The following CAPN13 variants were observed in gnomAD, a reference collection of about 807,000 sequenced individuals.
CAPN13 encodes the protein calpain 13, also known as calpain-13.
A neutral mutation model predicts 98.4 loss-of-function variants in CAPN13; 90 were observed. The observed-to-expected ratio is 0.92, with a 90% CI of 0.77 to 1.09. The LOEUF (loss-of-function observed/expected upper bound fraction) is 1.09. Ranked by LOEUF, CAPN13 falls within the 50% of genes least tolerant of loss-of-function variation. The probability of loss-of-function intolerance (pLI) is 0.00; values close to 1 mark genes in which losing one functional copy is unlikely to be tolerated. For synonymous variants in CAPN13, 330 were observed against 305.5 expected (o/e 1.08, Z -0.84); for missense variants, 887 against 841.3 (o/e 1.05, Z -0.67).
In CAPN13 at chr2:30,787,109, T is replaced by G; in HGVS notation, c.198+19A>C. ...CCGAGGACCCTGGAGCTGGGTATGC[T>G]CGTGTGGGGCTCACTCACCTGTGGC... On this transcript the variant is annotated intron_variant, in intron 2 of 22. Coordinates refer to ENST00000295055, the MANE Select transcript of CAPN13 (RefSeq NM_144575.3). 1 of 1,539,388 alleles carries G rather than the reference T, an allele frequency of 6.5e-7. No homozygotes were observed. Among genetic ancestry groups the G allele is most frequent in the Non-Finnish European group, 8.8e-7 (1 of 1,141,658 alleles).
rs1558307513 is a variant in CAPN13, at chr2:30,751,181, C to T, written c.1158G>A (p.Val386=). 1.9e-6 allele frequency: 3 copies of T among 1,613,984 alleles called. No homozygotes were observed. The highest frequency in any genetic ancestry group is 2.2e-5 in the East Asian group (1 of 44,892). ...QEPMEGTNVV[V]CVTVAVTPSN... is the part of the protein sequence containing the mutation. ...ATGGTGTGACAGCAACTGTGACGCA[C>T]ACGACAACATTGGTGCCTTCCATTG... Residue 386 remains valine, a synonymous_variant, in exon 11 of 23, where the codon GTG becomes GTA. Coordinates refer to ENST00000295055, the MANE Select transcript of CAPN13 (RefSeq NM_144575.3).
intron 2 of CAPN13, among the ~76,000 whole-genome samples, chr2:30,780,931 A>T (rs547163547): frequency 1.3e-5 from 2 of 152,324 alleles, no homozygotes; most frequent in East Asian, 3.9e-4. Context: ...CTGTTACCAG[A>T]TGGGTCAGGC....
Position 30,787,224 on chromosome 2 carries a change from C to T in CAPN13, c.102G>A (p.Thr34=), listed in dbSNP as rs763231605. 8.9e-5 allele frequency: 144 copies of T among 1,610,698 alleles called. No homozygotes were observed. Among genetic ancestry groups the T allele is most frequent in the East Asian group, 4.9e-4 (22 of 44,822 alleles). ...CTGCAGGGAATGTCTCATCCTTAAACGTCCGGCCCATGCTCAGGCAGTGAT... is the reference window on the plus strand; with the variant it reads ...CTGCAGGGAATGTCTCATCCTTAAATGTCCGGCCCATGCTCAGGCAGTGAT... ...LRDHCLSMGR[T]FKDETFPAAD... is the part of the protein sequence containing the mutation. Residue 34 remains threonine (T), a synonymous_variant, in exon 2 of 23, where the codon ACG becomes ACA. Coordinates refer to ENST00000295055, the MANE Select transcript of CAPN13 (RefSeq NM_144575.3).
At chr2:30,723,509 C>T (rs1186081450) in intron 22 of CAPN13, among the ~76,000 whole-genome samples, 2 of 152,138 alleles carry the variant, frequency 1.3e-5, no homozygotes, top group Non-Finnish European at 2.9e-5. Flanking sequence ...TATCATAGCC[C>T]ATTTTAGCAC....
intron 2 of CAPN13, among the ~76,000 whole-genome samples, chr2:30,784,592 A>G (rs1000146042): frequency 3.3e-5 from 5 of 152,210 alleles, no homozygotes; most frequent in Non-Finnish European, 7.3e-5. Flanking sequence ...AGAAGATTCT[A>G]CTAGTGCAAA....
At chr2:30,728,902 T>C (rs749204551) in intron 22 of CAPN13, among the ~76,000 whole-genome samples, 1 of 152,156 alleles carries the variant, frequency 6.6e-6, no homozygotes, top group Non-Finnish European at 1.5e-5. Flanking sequence ...TGAGAATATG[T>C]AGACAATGAG....
chr2:30,758,575 G>C (rs1283971961), intron 7 of CAPN13, among the ~76,000 whole-genome samples: 1 of 152,184 alleles, frequency 6.6e-6, no homozygotes, highest in Admixed American at 6.5e-5. Flanking sequence ...GGGAGCTATG[G>C]TGCAGTCTCA....
At chr2:30,768,428 G>A (rs1673217490) in intron 5 of CAPN13, among the ~76,000 whole-genome samples, 1 of 152,174 alleles carries the variant, frequency 6.6e-6, no homozygotes, top group African/African-American at 2.4e-5. Context: ...GACTGGGTGG[G>A]AGGAGGAGGA....
intron 1 of CAPN13, among the ~76,000 whole-genome samples, chr2:30,788,127 T>C (rs1232133574): frequency 6.6e-6 from 1 of 152,136 alleles, no homozygotes. Flanking sequence ...GATAGTGCAG[T>C]GAATATCACA....
chr2:30,745,073 C>T (rs75453850), intron 12 of CAPN13, among the ~76,000 whole-genome samples: 1,864 of 152,260 alleles, frequency 0.012, 36 homozygotes, highest in African/African-American at 0.042. Flanking sequence ...TCTGTGGCCA[C>T]ATCTTGCTCC....
rs1672410710 is a variant in CAPN13, at chr2:30,755,738, G to C, written c.867-1374C>G. 3.3e-5 allele frequency among the ~76,000 whole-genome samples: 5 copies of C among 152,228 alleles called. No homozygotes were observed. In the South Asian group the frequency reaches 1.0e-3, roughly 31 times the overall value. On this transcript the variant is annotated intron_variant, in intron 8 of 22. Transcript: ENST00000295055. ...CAGCAAGGCAGGGGCCACCACTCAG[G>C]CTTCTGGCTGCAGGCTGAGGCAGTC...
intron 1 of CAPN13, among the ~76,000 whole-genome samples, chr2:30,790,392 T>G (rs1674539571): frequency 6.6e-6 from 1 of 152,218 alleles, no homozygotes; most frequent in African/African-American, 2.4e-5. Flanking sequence ...ATCTTGCTGC[T>G]GGGGCAGCTC....
chr2:30,763,207 A>C (rs575286360), intron 6 of CAPN13, 51 bp from the exon 7 acceptor site: 2 of 1,528,640 alleles, frequency 1.3e-6, no homozygotes, highest in South Asian at 1.2e-5. Flanking sequence ...GGTTCTTCAA[A>C]GAAATAGAAA....
intron 7 of CAPN13, among the ~76,000 whole-genome samples, chr2:30,759,143 T>A (rs1213055647): frequency 2.0e-5 from 1 of 49,968 alleles, no homozygotes; most frequent in Admixed American, 1.3e-4. Flanking sequence ...TCCTCCCTCT[T>A]CCCCTTCCTT....
At chr2:30,790,628 G>GGC (rs1674555957) in intron 1 of CAPN13, among the ~76,000 whole-genome samples, 1 of 152,146 alleles carries the variant, frequency 6.6e-6, no homozygotes, top group Non-Finnish European at 1.5e-5. Context: ...GTGACTGAGT[G>GGC]AGCTTGGGCT....
intron 19 of CAPN13, among the ~76,000 whole-genome samples, chr2:30,733,308 C>T (rs945826267): frequency 5.6e-5 from 8 of 142,976 alleles, no homozygotes; most frequent in African/African-American, 2.1e-4. Context: ...AACATGAACT[C>T]GAATGCCTTT....
Position 30,742,197 on chromosome 2 carries a change from A to G in CAPN13, c.1479+129T>C, listed in dbSNP as rs190471893. ...CCCTACCCCGCCCCTTTGAGCCTTC[A>G]TCGGCCTATCATGGTGTCTCTCTTT... On this transcript the variant is annotated intron_variant, in intron 14 of 22. Transcript: ENST00000295055. 9,336 of 1,212,682 alleles carry G rather than the reference A, an allele frequency of 7.7e-3. 49 individuals are homozygous for G. The highest frequency in any genetic ancestry group is 9.5e-3 in the Non-Finnish European group (8,128 of 851,246). 75.1% of individuals were successfully genotyped at this position (1,212,682 alleles called of 1,614,324 possible). A position where few individuals can be genotyped will look rare whatever the true frequency, so the allele number is the denominator to read the frequency against.
At chr2:30,731,059 A>G (rs180967829) in intron 21 of CAPN13, among the ~76,000 whole-genome samples, 1 of 152,350 alleles carries the variant, frequency 6.6e-6, no homozygotes, top group African/African-American at 2.4e-5. Context: ...AGTTTAATGT[A>G]CAGTGAGCTC....
At chr2:30,754,242 T>G in intron 9 of CAPN13, 48 bp downstream of exon 9, 1 of 1,451,470 alleles carries the variant, frequency 6.9e-7, no homozygotes, top group Non-Finnish European at 9.4e-7. Flanking sequence ...GATTGAAGAC[T>G]TGGGCAATAA....
Sources: allele counts gnomAD v4.1 joint callset (sites outside exome capture counted in the v4.1 genomes callset), GRCh38; gene constraint gnomAD v4.1.1; transcripts MANE v1.5; gene names NCBI Gene and HGNC (gene_info 2026-07-23, HGNC 2026-07-21).